Variants in SLC22A23 observed in about 807,000 individuals in gnomAD.
The protein encoded by SLC22A23 is ion transporter protein.
Under a neutral mutation model 61.0 loss-of-function variants are expected in SLC22A23, and 26 were observed. The observed-to-expected ratio is 0.43, with a 90% confidence interval of 0.31 to 0.59. The LOEUF is 0.59. SLC22A23 is among the 20% of genes least tolerant of loss of function. SLC22A23 has a pLI of 0.11. For synonymous variants in SLC22A23, 430 were observed against 413.9 expected (o/e 1.04, Z -0.47); for missense variants, 796 against 934.7 (o/e 0.85, Z 1.94).
At position 3,328,425 on chromosome 6, in the gene SLC22A23, T is replaced by C. The variant is rs753922020; in HGVS notation, c.914-4423A>G. ...ATTGCGCTTCCCAGGGTAGACACTTTATGTGACGGAGGAGGAAGGCCTGAG... is the reference window on the plus strand; with the variant it reads ...ATTGCGCTTCCCAGGGTAGACACTTCATGTGACGGAGGAGGAAGGCCTGAG... On this transcript the variant is annotated intron_variant, in intron 3 of 9. Transcript: ENST00000406686. The surrounding 1 kb of genome is among the most constrained non-coding windows in gnomAD (Gnocchi z 5.0). Among the ~76,000 whole-genome samples the C allele has an allele frequency of 2.2e-4, 34 of 152,108 alleles. No individual in the cohort carries two copies. Among genetic ancestry groups the C allele is most frequent in the Non-Finnish European group, 4.4e-4 (30 of 68,028 alleles).
intron 3 of SLC22A23, among the ~76,000 whole-genome samples, chr6:3,347,914 G>C (rs955694637): frequency 2.0e-5 from 3 of 152,168 alleles, no homozygotes; most frequent in African/African-American, 7.2e-5. Context: ...CCAGCATCGG[G>C]AGGTGTGCGG....
chr6:3,391,741 T>TA (rs1044050307), intron 3 of SLC22A23, among the ~76,000 whole-genome samples: 12 of 152,104 alleles, frequency 7.9e-5, no homozygotes, highest in Non-Finnish European at 1.3e-4. Context: ...GCAGATGCTT[T>TA]AAAAAAGGCT....
chr6:3,401,099 C>T (rs1200271079), intron 3 of SLC22A23, among the ~76,000 whole-genome samples: 3 of 152,158 alleles, frequency 2.0e-5, no homozygotes, highest in Admixed American at 2.0e-4. Flanking sequence ...CCCAGCACTT[C>T]GGGAGGCCGA....
chr6:3,396,535 G>A (rs1481829661), intron 3 of SLC22A23, among the ~76,000 whole-genome samples: 1 of 152,148 alleles, frequency 6.6e-6, no homozygotes, highest in Non-Finnish European at 1.5e-5. Context: ...GTGACAGAGT[G>A]AGACTCCACC....
chr6:3,349,181 G>A (rs902152609), intron 3 of SLC22A23, among the ~76,000 whole-genome samples: 3 of 152,150 alleles, frequency 2.0e-5, no homozygotes, highest in African/African-American at 4.8e-5. Context: ...CCTGCTCTTC[G>A]TTCCTCCCTG....
Position 3,415,772 on chromosome 6 carries a change from T to C in SLC22A23, c.738A>G (p.Ile246Met). Reference protein sequence around the residue: ...LLVGLIFGYLITGCIADWVGR... With the variant: ...LLVGLIFGYLMTGCIADWVGR... ...CTCACCAGTCAGCAATGCATCCAGT[T>C]ATTAGGTAGCCAAAGATTAATCCAA... is the stretch of plus-strand genomic sequence containing the variant. The change falls in exon 2 of 10, where the codon ATA becomes ATG. Residue 246 changes from isoleucine to methionine, a missense_variant. Ile to Met is a conservative substitution (Grantham distance 10). Transcript: ENST00000406686. 6.4e-7 allele frequency: 1 copy of C among 1,551,712 alleles called. No individual in the cohort carries two copies. Among genetic ancestry groups the C allele is most frequent in the Non-Finnish European group, 8.7e-7 (1 of 1,146,876 alleles).
rs780383648 is a variant in SLC22A23, at chr6:3,298,245, A to G, written c.1083-27T>C. 1.9e-6 allele frequency: 3 copies of G among 1,579,144 alleles called. No individual in the cohort carries two copies. The East Asian group carries it at 7.1e-5, about 37-fold the overall frequency. ...TTTAAAGACACAAAGGGGATCAGTG[A>G]ATGTCTTCCGATTCTGCACGGCACC... On this transcript the variant is annotated intron_variant, in intron 4 of 9. Coordinates refer to ENST00000406686, the MANE Select transcript of SLC22A23 (RefSeq NM_015482.2).
At chr6:3,290,161 A>G (rs1358254081) in intron 5 of SLC22A23, 2 of 473,404 alleles carry the variant, frequency 4.2e-6, no homozygotes, top group African/African-American at 2.0e-5. Flanking sequence ...CAGAGTGCAC[A>G]CAAACGGTCT....
chr6:3,298,228 C>T lies in SLC22A23; in HGVS notation c.1083-10G>A. ...GGACTCGGGGAATATCCTTTAAAGACACAAAGGGGATCAGTGAATGTCTTC... is the reference window on the plus strand; with the variant it reads ...GGACTCGGGGAATATCCTTTAAAGATACAAAGGGGATCAGTGAATGTCTTC... On this transcript the variant is annotated splice_polypyrimidine_tract_variant and intron_variant, in intron 4 of 9. Coordinates refer to ENST00000406686, the MANE Select transcript of SLC22A23 (RefSeq NM_015482.2). 2 of 1,591,342 alleles carry T rather than the reference C, an allele frequency of 1.3e-6. No individual in the cohort carries two copies. Among genetic ancestry groups the T allele is most frequent in the Non-Finnish European group, 1.7e-6 (2 of 1,171,182 alleles).
At chr6:3,415,204 G>A (rs969031327) in intron 2 of SLC22A23, among the ~76,000 whole-genome samples, 24 of 152,006 alleles carry the variant, frequency 1.6e-4, no homozygotes, top group Admixed American at 5.2e-4. Flanking sequence ...TGCCCACAGC[G>A]CCCATCTGTA....
intron 3 of SLC22A23, among the ~76,000 whole-genome samples, chr6:3,389,745 TC>T (rs1290665249): frequency 1.3e-5 from 2 of 152,306 alleles, no homozygotes; most frequent in Non-Finnish European, 2.9e-5. Context: ...AAGTTATCCT[TC>T]CTGACTTACC....
At chr6:3,415,428 C>G (rs1200961903) in intron 2 of SLC22A23, among the ~76,000 whole-genome samples, 2 of 152,218 alleles carry the variant, frequency 1.3e-5, no homozygotes, top group Non-Finnish European at 2.9e-5. Flanking sequence ...CTTAGTGCAT[C>G]CACCTCCTGC....
At position 3,318,261 on chromosome 6, in the gene SLC22A23, C is replaced by T. The variant is rs548932856; in HGVS notation, c.1082+5573G>A. Among the ~76,000 whole-genome samples the T allele has an allele frequency of 8.7e-4, 132 of 152,290 alleles. No individual in the cohort carries two copies. Among genetic ancestry groups the T allele is most frequent in the South Asian group, 6.4e-3 (31 of 4,818 alleles). On this transcript the variant is annotated intron_variant, in intron 4 of 9. Transcript: ENST00000406686. The surrounding 1 kb of genome is among the most constrained non-coding windows in gnomAD (Gnocchi z 4.3). ...CAGAGAGGCTGCTCCTCCCAGGGTTCGCTAATTCCTAGACAGAGTAAAAGA... is the reference window on the plus strand; with the variant it reads ...CAGAGAGGCTGCTCCTCCCAGGGTTTGCTAATTCCTAGACAGAGTAAAAGA...
At chr6:3,336,600 T>C (rs1306989891) in intron 3 of SLC22A23, among the ~76,000 whole-genome samples, 1 of 152,196 alleles carries the variant, frequency 6.6e-6, no homozygotes, top group Non-Finnish European at 1.5e-5. Flanking sequence ...AGCGAGCTCC[T>C]TGAAAAGGAA....
chr6:3,439,344 G>T (rs1460862407), intron 1 of SLC22A23: 2 of 425,216 alleles, frequency 4.7e-6, no homozygotes, highest in Non-Finnish European at 9.3e-6. Flanking sequence ...GGATGCTGGG[G>T]TCCTACAGGC....
intron 5 of SLC22A23, among the ~76,000 whole-genome samples, chr6:3,295,896 C>T (rs1388323442): frequency 6.6e-6 from 1 of 152,196 alleles, no homozygotes; most frequent in African/African-American, 2.4e-5. Flanking sequence ...ATGTCACCAA[C>T]TGCCTCTCAC....
Position 3,302,494 on chromosome 6 carries a change from C to G in SLC22A23, c.1083-4276G>C, listed in dbSNP as rs73352930. Reference sequence around the variant, plus strand: ...TACTTTTAAGTTTGGCTTGTTCTTGCTTTTCTAGTATCTTGAAATACATCA... The same window carrying G: ...TACTTTTAAGTTTGGCTTGTTCTTGGTTTTCTAGTATCTTGAAATACATCA... On this transcript the variant is annotated intron_variant, in intron 4 of 9. Coordinates refer to ENST00000406686, the MANE Select transcript of SLC22A23 (RefSeq NM_015482.2). Among the ~76,000 whole-genome samples, 961 of 152,120 alleles carry G rather than the reference C, an allele frequency of 6.3e-3. 14 individuals are homozygous for G. The highest frequency in any genetic ancestry group is 0.022 in the African/African-American group (911 of 41,508).
intron 1 of SLC22A23, among the ~76,000 whole-genome samples, chr6:3,438,795 G>A (rs921722279): frequency 4.6e-5 from 7 of 152,188 alleles, no homozygotes; most frequent in African/African-American, 7.2e-5. Context: ...TGGGCTAAAC[G>A]TGCCTGCTGC....
intron 3 of SLC22A23, among the ~76,000 whole-genome samples, chr6:3,347,183 C>T (rs1452810545): frequency 6.6e-6 from 1 of 152,250 alleles, no homozygotes; most frequent in Non-Finnish European, 1.5e-5. Context: ...AGCCACGCCA[C>T]TCATGGACTT....
Sources: gnomAD v4.1 joint callset for allele counts (sites outside exome capture counted in the v4.1 genomes callset) on GRCh38, gnomAD v4.1.1 for gene constraint, Gnocchi (gnomAD v3.1) non-coding constraint, MANE v1.5 for transcripts, NCBI Gene and HGNC (gene_info 2026-07-23, HGNC 2026-07-21) for gene names.